Variants in BAZ2B observed in about 807,000 individuals in gnomAD.
BAZ2B encodes bromodomain adjacent to zinc finger domain 2B.
BAZ2B carries 91 observed loss-of-function variants against 246.0 expected under a neutral mutation model. That is an observed-to-expected ratio of 0.37 (90% confidence interval 0.31 to 0.44). BAZ2B has a LOEUF of 0.44. Ranked by LOEUF, BAZ2B falls within the 20% of genes least tolerant of loss-of-function variation. The pLI, the probability that BAZ2B is intolerant of heterozygous loss-of-function variation, is 1.00. For missense variants in BAZ2B, 2,332 were observed against 2,533.7 expected (o/e 0.92, Z 1.71); for synonymous variants, 855 against 860.0 (o/e 0.99, Z 0.10).
chr2:159,328,958 T>A (rs2064201709), intron 34 of BAZ2B, among the ~76,000 whole-genome samples: 1 of 151,852 alleles, frequency 6.6e-6, no homozygotes, highest in Admixed American at 6.6e-5. Context: ...CAAAACCCCA[T>A]CTCTACTAAA....
At chr2:159,427,693 G>T (rs185308164) in intron 13 of BAZ2B, among the ~76,000 whole-genome samples, 1 of 152,152 alleles carries the variant, frequency 6.6e-6, no homozygotes, top group African/African-American at 2.4e-5. Context: ...AAACTGTAAA[G>T]TTATTGGTTG....
At chr2:159,473,286 G>A (rs1008569002) in intron 3 of BAZ2B, among the ~76,000 whole-genome samples, 1 of 152,092 alleles carries the variant, frequency 6.6e-6, no homozygotes, top group Non-Finnish European at 1.5e-5. Flanking sequence ...CCTCTTCCTG[G>A]TTTTGTCTTG....
intron 2 of BAZ2B, among the ~76,000 whole-genome samples, chr2:159,515,927 CT>C (rs2083396847): frequency 6.6e-6 from 1 of 151,888 alleles, no homozygotes; most frequent in African/African-American, 2.4e-5. Context: ...AAAAAATAAT[CT>C]TTTTACTACA....
At position 159,350,164 on chromosome 2, in the gene BAZ2B, T is replaced by A. The variant is rs753024652; in HGVS notation, c.4407A>T (p.Leu1469Phe). 1.2e-6 allele frequency: 2 copies of A among 1,614,038 alleles called. No homozygotes were observed. The highest frequency in any genetic ancestry group is 2.2e-5 in the South Asian group (2 of 91,086). The change falls in exon 28 of 37, where the codon TTA becomes TTT. Residue 1469 changes from leucine (L) to phenylalanine (F), a missense_variant. By Grantham distance (22) the Leu-to-Phe change is conservative (BLOSUM62 0). Around this residue, in one of 9 missense-constraint regions of BAZ2B, gnomAD observed 676 missense variants for 668.6 expected, o/e 1.01. Coordinates refer to ENST00000392783, the MANE Select transcript of BAZ2B (RefSeq NM_013450.4). ...FLQKPGSFSKLSKLLEVAKMP... is the reference protein window; with the variant it reads ...FLQKPGSFSKFSKLLEVAKMP... The stretch of plus-strand genomic sequence containing the variant: ...TCTTAGCTACTTCCAAAAGCTTGCT[T>A]AATTTGGAAAAAGAGCCAGGTTTCT...
chr2:159,667,997 CTT>C, the BAZ2B span, among the ~76,000 whole-genome samples: 1 of 152,036 alleles, frequency 6.6e-6, no homozygotes, highest in African/African-American at 2.4e-5. Context: ...TGTCAACAAT[CTT>C]AAGTGTTGTA....
At chr2:159,467,697 T>TGGA (rs74487530) in intron 3 of BAZ2B, among the ~76,000 whole-genome samples, 60,999 of 151,638 alleles carry the variant, frequency 0.4, 12,757 homozygotes, top group Non-Finnish European at 0.47. Flanking sequence ...CTGGTAATGG[T>TGGA]GGAGTGAGGT....
intron 25 of BAZ2B, among the ~76,000 whole-genome samples, chr2:159,381,874 G>A (rs2062032015): frequency 6.6e-6 from 1 of 152,092 alleles, no homozygotes; most frequent in Non-Finnish European, 1.5e-5. Flanking sequence ...ATTTCTCTCT[G>A]CCTGGAACAC....
chr2:159,366,913 T>G (rs182706131), intron 27 of BAZ2B, among the ~76,000 whole-genome samples: 1 of 152,196 alleles, frequency 6.6e-6, no homozygotes, highest in Non-Finnish European at 1.5e-5. Context: ...ACACCAAGGG[T>G]CAGGGGGTGG....
the BAZ2B span, among the ~76,000 whole-genome samples, chr2:159,683,528 G>A: frequency 6.6e-6 from 1 of 152,168 alleles, no homozygotes; most frequent in Non-Finnish European, 1.5e-5. Context: ...CTTTGTAGTT[G>A]GGTTAGTTTT....
intron 2 of BAZ2B, chr2:159,536,329 A>C (rs935769312): frequency 3.5e-4 from 53 of 152,240 alleles, no homozygotes; most frequent in African/African-American, 1.2e-3. Context: ...TGTAAACACC[A>C]GGGCTCTCAG....
At chr2:159,325,626 T>A (rs769512306) in intron 35 of BAZ2B, 27 bp downstream of exon 35, 2 of 1,570,528 alleles carry the variant, frequency 1.3e-6, no homozygotes, top group Non-Finnish European at 1.7e-6. Context: ...ATTATAAATA[T>A]ACAGTGCATG....
intron 2 of BAZ2B, among the ~76,000 whole-genome samples, chr2:159,519,261 C>T (rs12468911): frequency 0.27 from 28,656 of 107,134 alleles, 4,442 homozygotes; most frequent in Middle Eastern, 0.45. Flanking sequence ...CTCGCTCTGT[C>T]GCCCAGGCCG....
chr2:159,443,007 C>T (rs894113144), intron 6 of BAZ2B, among the ~76,000 whole-genome samples: 1 of 152,222 alleles, frequency 6.6e-6, no homozygotes, highest in East Asian at 1.9e-4. Flanking sequence ...TATACAGATA[C>T]CTCTTTGAGA....
chr2:159,390,149 T>C (rs1168763480), intron 20 of BAZ2B, among the ~76,000 whole-genome samples: 1 of 152,164 alleles, frequency 6.6e-6, no homozygotes, highest in Non-Finnish European at 1.5e-5. Context: ...GAAATAACAG[T>C]AGAATCATCA....
chr2:159,373,213 A>G, intron 26 of BAZ2B, 24 bp from the exon 27 acceptor site: 1 of 1,596,428 alleles, frequency 6.3e-7, no homozygotes, highest in Non-Finnish European at 8.5e-7. Flanking sequence ...GGTACATATA[A>G]TTAGGTTTGG....
intron 31 of BAZ2B, among the ~76,000 whole-genome samples, chr2:159,344,985 A>G (rs2067516336): frequency 6.6e-6 from 1 of 152,088 alleles, no homozygotes; most frequent in Non-Finnish European, 1.5e-5. Context: ...CGAGGTGGGC[A>G]GATGATCTGA....
At chr2:159,621,180 A>G (rs1696416126), upstream of BAZ2B, among the ~76,000 whole-genome samples, 2 of 152,244 alleles carry the variant, frequency 1.3e-5, no homozygotes, top group Non-Finnish European at 1.5e-5. Flanking sequence ...AAACCTGGCT[A>G]TGACGCTTTA....
intron 8 of BAZ2B, among the ~76,000 whole-genome samples, chr2:159,436,328 T>C (rs2072294615): frequency 6.6e-6 from 1 of 152,228 alleles, no homozygotes; most frequent in Non-Finnish European, 1.5e-5. Context: ...CAAAGATTTC[T>C]ATATTTTATC....
chr2:159,553,079 T>C (rs1294181236), intron 2 of BAZ2B, among the ~76,000 whole-genome samples: 2 of 152,130 alleles, frequency 1.3e-5, no homozygotes, highest in South Asian at 2.1e-4. Flanking sequence ...TGTACAGTTC[T>C]TATTCTTGAG....
Sources: allele counts gnomAD v4.1 joint callset (sites outside exome capture counted in the v4.1 genomes callset), GRCh38; gene constraint gnomAD v4.1.1; regional missense constraint gnomAD v4.1.1; transcripts MANE v1.5; gene names NCBI Gene and HGNC (gene_info 2026-07-23, HGNC 2026-07-21).